The following WDR45 variants were observed in gnomAD, a reference collection of about 807,000 sequenced individuals.
WDR45 encodes WD repeat domain 45.
A neutral mutation model predicts 27.3 loss-of-function variants in WDR45; 2 were observed. That is an observed-to-expected ratio of 0.07 (90% confidence interval 0.03 to 0.23). WDR45 has a LOEUF of 0.23. Among genes scored for constraint, WDR45 ranks in the 10% least tolerant of loss-of-function variants. The pLI, the probability that WDR45 is intolerant of heterozygous loss-of-function variation, is 1.00. For synonymous variants in WDR45, 99 were observed against 119.2 expected (o/e 0.83, Z 1.11); for missense variants, 175 against 311.9 (o/e 0.56, Z 3.31).
chrX:49,083,318 T>G (rs946129706), upstream of WDR45, among the ~76,000 whole-genome samples: 9 of 95,245 alleles, frequency 9.4e-5, no homozygotes, highest in Non-Finnish European at 2.0e-4. Context: ...GGCCTCTCGT[T>G]TTTTTTTTTT....
At chrX:49,083,303 C>T (rs372490444), upstream of WDR45, among the ~76,000 whole-genome samples, 4 of 106,335 alleles carry the variant, frequency 3.8e-5, no homozygotes, top group Non-Finnish European at 7.7e-5. Context: ...TGAGCTACCA[C>T]GCCCGGCCTC....
chrX:49,076,775 C>T (rs782245609), intron 4 of WDR45, 25 bp from the exon 5 acceptor site: 16 of 1,160,987 alleles, frequency 1.4e-5, no homozygotes, highest in South Asian at 1.9e-5. Context: ...GGTGGGTTGT[C>T]GGGGCCAAGG....
intron 2 of WDR45, among the ~76,000 whole-genome samples, chrX:49,095,627 A>AT (rs2065122277): frequency 9.6e-6 from 1 of 104,547 alleles, no homozygotes; most frequent in African/African-American, 3.5e-5. Flanking sequence ...CGCCCAGCTA[A>AT]TTTTTTGTAT....
chrX:49,097,330 G>GTTTTTTTTT (rs782550987), intron 2 of WDR45, among the ~76,000 whole-genome samples: 1 of 91,842 alleles, frequency 1.1e-5, no homozygotes, highest in Non-Finnish European at 2.1e-5. Flanking sequence ...CCAGCTAATT[G>GTTTTTTTTT]TTTTTTTTTT....
At chrX:49,098,141 C>T (rs782335614) in intron 2 of WDR45, among the ~76,000 whole-genome samples, 24 of 111,170 alleles carry the variant, frequency 2.2e-4, no homozygotes, top group South Asian at 3.7e-4. Flanking sequence ...TTTGTAGAGA[C>T]GGTGTCTCAC....
rs1557084228 is a variant in WDR45 at position 49,076,416 on chromosome X, C to T, written c.436+14G>A. 8.3e-7 allele frequency: 1 copy of T among 1,209,448 alleles called. No homozygotes were observed. Among genetic ancestry groups the T allele is most frequent in the Admixed American group, 2.2e-5 (1 of 46,044 alleles). On this transcript the variant is annotated intron_variant, in intron 6 of 10. Transcript: ENST00000376372. Reference sequence around the variant, plus strand: ...GTTTCATGCCCTTACACCTGTGTATCTGAGCCCTCTCACCCTTGGGGTTGT... The same window carrying T: ...GTTTCATGCCCTTACACCTGTGTATTTGAGCCCTCTCACCCTTGGGGTTGT...
chrX:49,100,728 C>CTTAGGGCTTT lies in WDR45; in HGVS notation c.-367-184_-367-175dup, dbSNP rs781835299. ...ACAGGCTTCGCCAAAGGCCCTGACA[C>CTTAGGGCTTT]TTAGGGCTTTTTCACTGCTGCAAAC... On this transcript the variant is annotated intron_variant, in intron 1 of 11. Coordinates refer to the WDR45 transcript ENST00000356463. 1,726 of 113,751 alleles carry CTTAGGGCTTT rather than the reference C, an allele frequency of 0.015. 39 individuals are homozygous for CTTAGGGCTTT. Among genetic ancestry groups the CTTAGGGCTTT allele is most frequent in the African/African-American group, 0.053 (1,644 of 30,964 alleles). 9.4% of individuals were successfully genotyped at this position (113,751 alleles called of 1,213,427 possible). A position where few individuals can be genotyped will look rare whatever the true frequency, so the allele number is the denominator to read the frequency against.
chrX:49,084,846 G>A (rs1321089928), upstream of WDR45, among the ~76,000 whole-genome samples: 2 of 110,800 alleles, frequency 1.8e-5, no homozygotes, highest in African/African-American at 6.6e-5. Context: ...TGTAGGCCGG[G>A]CTGGTCTTGA....
intron 2 of WDR45, among the ~76,000 whole-genome samples, chrX:49,094,016 A>G (rs1230742164): frequency 9.1e-6 from 1 of 109,871 alleles, no homozygotes; most frequent in East Asian, 2.9e-4. Flanking sequence ...TATTTTCTGT[A>G]TTTTTAGTAG....
rs1026956487 is a variant in WDR45, at chrX:49,074,787, A to G, written c.*16T>C. The G allele has an allele frequency of 4.2e-5, 50 of 1,187,720 alleles. No individual in the cohort carries two copies. The highest frequency in any genetic ancestry group is 1.3e-4 in the Admixed American group (6 of 45,859). ...AGTTCTGCCACTGCAGGTCCCTAGC[A>G]CAGCCCCCAGGGTCCTTAAAAGTCA... On this transcript the variant is annotated 3_prime_UTR_variant, in exon 11 of 11. Coordinates refer to ENST00000376372, the MANE Select transcript of WDR45 (RefSeq NM_001029896.2).
chrX:49,100,722 C>G (rs1289337123), intron 1 of WDR45: 2 of 112,842 alleles, frequency 1.8e-5, no homozygotes, highest in Non-Finnish European at 3.7e-5. Context: ...GCCAAAGGCC[C>G]TGACACTTAG....
upstream of WDR45, among the ~76,000 whole-genome samples, chrX:49,082,327 A>T (rs2065070840): frequency 9.0e-6 from 1 of 111,072 alleles, no homozygotes. Context: ...ATCCTTTTTA[A>T]CTGGTTCATG....
Position 49,075,347 on chromosome X carries a change from G to T in WDR45, c.827+17C>A, listed in dbSNP as rs1267428748. The T allele has an allele frequency of 5.8e-6, 7 of 1,206,738 alleles. No homozygotes were observed. The highest frequency in any genetic ancestry group is 6.7e-6 in the Non-Finnish European group (6 of 893,203). ...CAGGGGGACAGGGACACGGTAGGGT[G>T]GGGAGGGGGTACTCACGCGGAGCGG... On this transcript the variant is annotated intron_variant, in intron 9 of 10. Coordinates refer to ENST00000376372, the MANE Select transcript of WDR45 (RefSeq NM_001029896.2).
intron 2 of WDR45, among the ~76,000 whole-genome samples, chrX:49,086,491 G>A (rs782113101): frequency 9.0e-6 from 1 of 111,462 alleles, no homozygotes; most frequent in African/African-American, 3.3e-5. Flanking sequence ...GCATGGGTGG[G>A]TGGGTGGAGG....
intron 2 of WDR45, among the ~76,000 whole-genome samples, chrX:49,094,581 T>C (rs938936690): frequency 2.7e-5 from 3 of 111,045 alleles, no homozygotes; most frequent in Non-Finnish European, 5.7e-5. Flanking sequence ...AGTAGATTAT[T>C]ATCTTAATTG....
At chrX:49,096,114 T>G (rs2065124743) in intron 2 of WDR45, among the ~76,000 whole-genome samples, 1 of 110,383 alleles carries the variant, frequency 9.1e-6, no homozygotes, top group Admixed American at 9.8e-5. Context: ...GGAACTGAAC[T>G]TTTTTTCCTC....
chrX:49,099,841 G>T (rs191685006), intron 2 of WDR45, among the ~76,000 whole-genome samples: 4 of 98,660 alleles, frequency 4.1e-5, no homozygotes, highest in East Asian at 5.7e-4. Context: ...GACCAGACCT[G>T]ATATCAACGT....
chrX:49,080,984 G>A (rs1419533896), upstream of WDR45, among the ~76,000 whole-genome samples: 2 of 92,909 alleles, frequency 2.2e-5, no homozygotes, highest in African/African-American at 8.1e-5. Context: ...CACAACCTCC[G>A]CCTCCCGGGT....
At chrX:49,078,181 T>C in intron 1 of WDR45, 69 bp from the exon 2 acceptor site, 1 of 979,126 alleles carries the variant, frequency 1.0e-6, no homozygotes, top group Non-Finnish European at 1.4e-6. Context: ...CTCACCTGAT[T>C]TCCTCCTCCT....
Sources: allele counts gnomAD v4.1 joint callset (sites outside exome capture counted in the v4.1 genomes callset), GRCh38; gene constraint gnomAD v4.1.1; transcripts MANE v1.5; gene names NCBI Gene and HGNC (gene_info 2026-07-23, HGNC 2026-07-21).